KMT2C: variants seen among roughly 807,000 people sequenced by gnomAD.
KMT2C encodes the protein lysine methyltransferase 2C, also known as histone-lysine N-methyltransferase 2C.
A neutral mutation model predicts 507.9 loss-of-function variants in KMT2C; 88 were observed. The ratio of observed to expected loss-of-function variants is 0.17; its 90% CI spans 0.15 to 0.21. The LOEUF (loss-of-function observed/expected upper bound fraction) is 0.21. KMT2C is among the 10% of genes least tolerant of loss of function. The probability of loss-of-function intolerance (pLI) is 1.00; values close to 1 mark genes in which losing one functional copy is unlikely to be tolerated. For synonymous variants in KMT2C, 2,049 were observed against 2,080.8 expected, an observed-to-expected ratio of 0.98 and a Z score of 0.42; for missense variants, 4,954 against 5,957.8, an observed-to-expected ratio of 0.83 and a Z score of 5.55.
chr7:152,228,794 C>T (rs2095016682), intron 18 of KMT2C, among the ~76,000 whole-genome samples: 1 of 152,138 alleles, frequency 6.6e-6, no homozygotes, highest in South Asian at 2.1e-4. Context: ...AGAAAAGAAA[C>T]ATGTTTTATG....
At chr7:152,301,580 TAAAGGC>T (rs757386526) in intron 6 of KMT2C, among the ~76,000 whole-genome samples, 1 of 151,996 alleles carries the variant, frequency 6.6e-6, no homozygotes, top group Non-Finnish European at 1.5e-5. Context: ...CCAGCTACTC[TAAAGGC>T]TGAGACGGGA....
At chr7:152,298,290 G>A (rs1251197698) in intron 6 of KMT2C, among the ~76,000 whole-genome samples, 1 of 151,800 alleles carries the variant, frequency 6.6e-6, no homozygotes, top group African/African-American at 2.4e-5. Flanking sequence ...ATTAACTCAC[G>A]GATCCAAGAA....
chr7:152,347,362 C>T (rs1462989427), intron 2 of KMT2C, among the ~76,000 whole-genome samples: 1 of 152,116 alleles, frequency 6.6e-6, no homozygotes, highest in African/African-American at 2.4e-5. Flanking sequence ...TCATATGGGT[C>T]CCGTGGTGTT....
intron 51 of KMT2C, among the ~76,000 whole-genome samples, chr7:152,150,094 T>C (rs2091481100): frequency 6.6e-6 from 1 of 152,226 alleles, no homozygotes; most frequent in African/African-American, 2.4e-5. Context: ...GAGGAATGAC[T>C]GGCAGTATTA....
intron 52 of KMT2C, 90 bp from the exon 53 acceptor site, chr7:152,146,825 TTAC>T (rs1258390486): frequency 1.7e-6 from 2 of 1,143,794 alleles, no homozygotes; most frequent in African/African-American, 3.1e-5. Context: ...TCACAAGGAT[TTAC>T]TAATTTCCAA....
At chr7:152,261,084 C>T (rs200700466) in intron 9 of KMT2C, among the ~76,000 whole-genome samples, 2,746 of 127,814 alleles carry the variant, frequency 0.021, no homozygotes, top group African/African-American at 0.043. Context: ...AAACAGTTAC[C>T]TCTATTAAGC....
intron 15 of KMT2C, among the ~76,000 whole-genome samples, chr7:152,237,315 G>A (rs550486628): frequency 2.6e-4 from 39 of 152,232 alleles, no homozygotes; most frequent in Non-Finnish European, 5.1e-4. Flanking sequence ...AGATACACAT[G>A]AACAAAAGGA....
intron 2 of KMT2C, among the ~76,000 whole-genome samples, chr7:152,348,599 T>TAAAAAAAAAAAAAAAAA (rs201530125): frequency 2.0e-5 from 1 of 48,992 alleles, no homozygotes; most frequent in African/African-American, 6.0e-5. Context: ...AACTCTGTCT[T>TAAAAAAAAAAAAAAAAA]AAAAAAAAAA....
intron 1 of KMT2C, among the ~76,000 whole-genome samples, chr7:152,383,804 A>T (rs988935548): frequency 3.3e-5 from 5 of 152,166 alleles, no homozygotes; most frequent in Non-Finnish European, 5.9e-5. Flanking sequence ...ACACTAATGA[A>T]TTCTGAGAAT....
chr7:152,240,854 A>G (rs2095369679), intron 14 of KMT2C, among the ~76,000 whole-genome samples: 1 of 152,132 alleles, frequency 6.6e-6, no homozygotes, highest in Admixed American at 6.5e-5. Flanking sequence ...TCTCTCACCT[A>G]ACCTGCTACA....
At position 152,209,455 on chromosome 7, in the gene KMT2C, A is replaced by C. The variant is rs1211462040; in HGVS notation, c.3713-2027T>G. ...CTGGGCGACAGCGGGACTCCGTCTC[A>C]AAAAAAAAAAAAAAAAAAATGACAG... On this transcript the variant is annotated intron_variant, in intron 23 of 58. Transcript: ENST00000262189. Among the ~76,000 whole-genome samples, 101 of 88,154 alleles carry C rather than the reference A, an allele frequency of 1.1e-3. 5 individuals carry two copies. The South Asian group carries it at 0.038, about 33-fold the overall frequency. The allele number at this position is 88,154 out of a possible 152,430, so 57.8% of individuals were successfully genotyped here. A position where few individuals can be genotyped will look rare whatever the true frequency, so the allele number is the denominator to read the frequency against.
chr7:152,380,752 G>T (rs537955505), intron 1 of KMT2C, among the ~76,000 whole-genome samples: 68 of 152,252 alleles, frequency 4.5e-4, no homozygotes, highest in African/African-American at 1.6e-3. Flanking sequence ...AAAATAAAAG[G>T]ATAGGTAGGA....
intron 2 of KMT2C, among the ~76,000 whole-genome samples, chr7:152,344,687 A>G (rs1244277091): frequency 6.6e-6 from 1 of 152,128 alleles, no homozygotes; most frequent in Non-Finnish European, 1.5e-5. Flanking sequence ...AAATTGCTCA[A>G]TTAAAACCAC....
chr7:152,365,176 A>G (rs1478387442), intron 1 of KMT2C, among the ~76,000 whole-genome samples: 1 of 152,206 alleles, frequency 6.6e-6, no homozygotes, highest in Non-Finnish European at 1.5e-5. Flanking sequence ...AAACCCTTCT[A>G]AACACTGAAC....
rs2095804481 is a variant in KMT2C at position 152,262,945 on chromosome 7, G to T, written c.1299+71C>A. ...GGTGATGATGTACAGATTTGAATAG[G>T]TATCCGATTTGTCTGGTCTCCATAT... On this transcript the variant is annotated intron_variant, in intron 9 of 58. Coordinates refer to ENST00000262189, the MANE Select transcript of KMT2C (RefSeq NM_170606.3). 1.1e-5 allele frequency: 12 copies of T among 1,074,428 alleles called. No homozygotes were observed. The South Asian group carries it at 1.5e-4, about 14-fold the overall frequency. The allele number at this position is 1,074,428 out of a possible 1,614,324, so 66.6% of individuals were successfully genotyped here. A position where few individuals can be genotyped will look rare whatever the true frequency, so the allele number is the denominator to read the frequency against.
At chr7:152,187,073 A>G (rs1436770548) in intron 33 of KMT2C, among the ~76,000 whole-genome samples, 189 bp downstream of exon 33, 2 of 152,180 alleles carry the variant, frequency 1.3e-5, no homozygotes, top group South Asian at 2.1e-4. Context: ...TTTGGGAAAT[A>G]TGAGGATGGA....
chr7:152,245,888 G>C (rs2095464159), intron 14 of KMT2C, among the ~76,000 whole-genome samples: 1 of 152,036 alleles, frequency 6.6e-6, no homozygotes, highest in Non-Finnish European at 1.5e-5. Flanking sequence ...AAAATAGCTG[G>C]AAACCAAAGA....
intron 2 of KMT2C, among the ~76,000 whole-genome samples, chr7:152,332,564 A>G (rs2096893903): frequency 6.6e-6 from 1 of 152,032 alleles, no homozygotes; most frequent in Non-Finnish European, 1.5e-5. Context: ...AATTATTCTC[A>G]GCTGGGTATG....
At position 152,273,755 on chromosome 7, in the gene KMT2C, C is replaced by G; in HGVS notation, c.962G>C (p.Ser321Thr). Residue 321 changes from serine (S) to threonine (T), a missense_variant, in exon 7 of 59, where the codon AGT (serine) becomes ACT (threonine). By Grantham distance (58) the Ser-to-Thr change is moderately conservative (BLOSUM62 1). Transcript: ENST00000262189. ...AAGAGTFQDF[S>T]HIFLLCPEHI... ...TTCTGGACAAAGCAGGAAGATGTGA[C>G]TGAAATCCTGAAAGGTGCCGGCTCC... The G allele has an allele frequency of 6.2e-7, 1 of 1,614,136 alleles. No homozygotes were observed. The highest frequency in any genetic ancestry group is 8.5e-7 in the Non-Finnish European group (1 of 1,179,964).
Sources: gnomAD v4.1 joint callset for allele counts (sites outside exome capture counted in the v4.1 genomes callset) on GRCh38, gnomAD v4.1.1 for gene constraint, MANE v1.5 for transcripts, NCBI Gene and HGNC (gene_info 2026-07-23, HGNC 2026-07-21) for gene names.